Variants in TFIP11 observed in about 807,000 individuals in gnomAD.
TFIP11 encodes the protein tuftelin-interacting protein 11.
A neutral mutation model predicts 96.8 loss-of-function variants in TFIP11; 86 were observed. The observed-to-expected ratio is 0.89, with a 90% CI of 0.75 to 1.06. The LOEUF (loss-of-function observed/expected upper bound fraction) is 1.06. TFIP11 is among the 50% of genes least tolerant of loss of function. The probability of loss-of-function intolerance (pLI) is 0.00; values close to 1 mark genes in which losing one functional copy is unlikely to be tolerated. For synonymous variants in TFIP11, 405 were observed against 395.2 expected (o/e 1.02, Z -0.29); for missense variants, 881 against 1,076.7 (o/e 0.82, Z 2.54).
chr22:26,512,293 C>T (rs1461234066), intron 1 of TFIP11, 101 bp downstream of exon 1: 1 of 152,288 alleles, frequency 6.6e-6, no homozygotes, highest in East Asian at 1.9e-4. Context: ...AAATGGATTC[C>T]CCTCCCCACA....
intron 10 of TFIP11, among the ~76,000 whole-genome samples, chr22:26,498,473 T>C (rs886782180): frequency 6.6e-6 from 1 of 150,430 alleles, no homozygotes; most frequent in African/African-American, 2.5e-5. Context: ...AACCAGGCAG[T>C]TGGCGGTTGC....
chr22:26,506,845 G>T lies in TFIP11; in HGVS notation c.293C>A (p.Ser98Tyr), dbSNP rs764971604. 2.5e-6 allele frequency: 4 copies of T among 1,614,180 alleles called. No homozygotes were observed. In the Admixed American group the frequency reaches 6.7e-5, roughly 27 times the overall value. ...GAAEEAELEDSDDEEKPVKQD... is the reference protein window; with the variant it reads ...GAAEEAELEDYDDEEKPVKQD... ...CTTAACAGGTTTCTCTTCGTCATCA[G>T]AATCTTCCAACTCTGCCTCCTCCGC... The change falls in exon 5 of 15, where the codon TCT becomes TAT. Residue 98 changes from serine to tyrosine, a missense_variant. Ser to Tyr is a moderately radical substitution (Grantham distance 144, BLOSUM62 -2). Coordinates refer to ENST00000407690, the MANE Select transcript of TFIP11 (RefSeq NM_012143.4).
intron 13 of TFIP11, chr22:26,494,566 G>C (rs1459433107): frequency 2.8e-6 from 2 of 709,954 alleles, no homozygotes; most frequent in Non-Finnish European, 4.6e-6. Flanking sequence ...CTACCCCATA[G>C]GGTTGCTGAG....
rs1205055229 is a variant in TFIP11, at chr22:26,506,447, T to C, written c.376A>G (p.Lys126Glu). 1.2e-6 allele frequency: 2 copies of C among 1,600,810 alleles called. No homozygotes were observed. Among genetic ancestry groups the C allele is most frequent in the Non-Finnish European group, 1.7e-6 (2 of 1,176,776 alleles). Reference sequence around the variant, plus strand: ...CCTGCAAAACCTTTCTGGCTGGGCTTAAAATTGCCACCCTGCAAAAAAGAA... The same window carrying C: ...CCTGCAAAACCTTTCTGGCTGGGCTCAAAATTGCCACCCTGCAAAAAAGAA... Reference protein sequence around the residue: ...PRKLKTGGNFKPSQKGFAGGT... With the variant: ...PRKLKTGGNFEPSQKGFAGGT... The change falls in exon 6 of 15, where the codon AAG becomes GAG. Residue 126 changes from lysine to glutamate, a missense_variant. Physicochemically the swap from Lys to Glu is moderately conservative, Grantham distance 56. Coordinates refer to ENST00000407690, the MANE Select transcript of TFIP11 (RefSeq NM_012143.4).
Position 26,491,793 on chromosome 22 carries a change from T to A in TFIP11, c.*220A>T, listed in dbSNP as rs1249377399. ...CCAGGAAAGAACATCAACTTGGCTG[T>A]CCTGTTTTGAGGACGATACCCCACA... On this transcript the variant is annotated 3_prime_UTR_variant, in exon 15 of 15. Transcript: ENST00000407690. The A allele has an allele frequency of 9.6e-7, 1 of 1,044,798 alleles. No individual in the cohort carries two copies. The highest frequency in any genetic ancestry group is 1.4e-6 in the Non-Finnish European group (1 of 732,142). 64.7% of individuals were successfully genotyped at this position (1,044,798 alleles called of 1,614,324 possible).
chr22:26,506,563 T>A, intron 5 of TFIP11, 104 bp from the exon 6 acceptor site: 6 of 1,439,608 alleles, frequency 4.2e-6, no homozygotes, highest in Non-Finnish European at 4.7e-6. Context: ...TACAGCACTA[T>A]GAAAAGTGTC....
intron 6 of TFIP11, chr22:26,505,949 G>A (rs558744408): frequency 7.3e-5 from 12 of 164,158 alleles, no homozygotes; most frequent in Non-Finnish European, 1.6e-4. Flanking sequence ...GACCTCAAGC[G>A]ATCCACCACC....
Position 26,492,272 on chromosome 22 carries a change from C to T in TFIP11, c.2255G>A (p.Arg752Gln), listed in dbSNP as rs758506991. 25 of 1,614,214 alleles carry T rather than the reference C, an allele frequency of 1.5e-5. No individual in the cohort carries two copies. In the East Asian group the frequency reaches 2.7e-4, roughly 17 times the overall value. Residue 752 changes from arginine to glutamine, a missense_variant, in exon 15 of 15, where the codon CGG becomes CAG. Coordinates refer to ENST00000407690, the MANE Select transcript of TFIP11 (RefSeq NM_012143.4). ...DFQYEAMQER[R>Q]EAENMAQRGI... ...CCTCTGAGCCATGTTCTCAGCCTCC[C>T]GCCTCTCCTGCATGGCCTCGTACTG...
In TFIP11 at chr22:26,501,996, C is replaced by T. The variant is rs755763848; in HGVS notation, c.705G>A (p.Lys235=). The part of the protein sequence containing the change: ...WRKDPSGSKK[K]PKYSYKTVEE... ...CCACGGTCTTGTAAGAGTATTTGGG[C>T]TTCTTCTTGCTTCCACTTGGGTCTT... is the stretch of plus-strand genomic sequence containing the variant. The change falls in exon 8 of 15, where the codon AAG becomes AAA. Residue 235 remains lysine, a synonymous_variant. Coordinates refer to ENST00000407690, the MANE Select transcript of TFIP11 (RefSeq NM_012143.4). 22 of 1,613,774 alleles carry T rather than the reference C, an allele frequency of 1.4e-5. No homozygotes were observed. Among genetic ancestry groups the T allele is most frequent in the Admixed American group, 5.0e-5 (3 of 59,976 alleles).
intron 12 of TFIP11, among the ~76,000 whole-genome samples, chr22:26,495,653 T>C (rs1251961661): frequency 8.2e-5 from 5 of 60,794 alleles, no homozygotes; most frequent in African/African-American, 2.1e-4. Flanking sequence ...TATATACATG[T>C]ATATGCATGT....
At position 26,506,838 on chromosome 22, in the gene TFIP11, G is replaced by A. The variant is rs777821365; in HGVS notation, c.300C>T (p.Asp100=). The A allele has an allele frequency of 8.1e-6, 13 of 1,613,978 alleles. No individual in the cohort carries two copies. Among genetic ancestry groups the A allele is most frequent in the Admixed American group, 5.0e-5 (3 of 59,978 alleles). The change falls in exon 5 of 15, where the codon GAC becomes GAT. Residue 100 remains aspartate, a synonymous_variant. Transcript: ENST00000407690. The stretch of plus-strand genomic sequence containing the variant: ...CGTCCTGCTTAACAGGTTTCTCTTC[G>A]TCATCAGAATCTTCCAACTCTGCCT... ...AEEAELEDSD[D]EEKPVKQDDF... is the part of the protein sequence containing the mutation.
At chr22:26,505,700 T>TC (rs1923314423) in intron 6 of TFIP11, among the ~76,000 whole-genome samples, 1 of 1,826 alleles carries the variant, frequency 5.5e-4, no homozygotes, top group Non-Finnish European at 2.5e-3. Context: ...TTTATTCTAT[T>TC]TATTTATTTA....
At chr22:26,496,340 G>C (rs76030007) in intron 11 of TFIP11, 24 bp from the exon 12 acceptor site, 22,326 of 1,571,516 alleles carry the variant, frequency 0.014, 198 homozygotes, top group Non-Finnish European at 0.017. Flanking sequence ...AGGAGAAACA[G>C]TTCATGTCGC....
intron 11 of TFIP11, 152 bp from the exon 12 acceptor site, chr22:26,496,468 C>A: frequency 8.9e-7 from 1 of 1,124,662 alleles, no homozygotes; most frequent in Non-Finnish European, 1.2e-6. Context: ...ATATGCCCAT[C>A]CATTTGATTA....
In TFIP11 at chr22:26,496,800, T is replaced by C; in HGVS notation, c.1526A>G (p.Asp509Gly). ...CACAGGAATAATGTGCACCCAACTATCCAAAAAGTCCACCATCGGGTCACA... is the reference window on the plus strand; with the variant it reads ...CACAGGAATAATGTGCACCCAACTACCCAAAAAGTCCACCATCGGGTCACA... ...RNCDPMVDFL[D>G]SWVHIIPVWI... The change falls in exon 11 of 15, where the codon GAT (aspartate) becomes GGT (glycine). Residue 509 changes from aspartate (D) to glycine (G), a missense_variant. Physicochemically the swap from Asp to Gly is moderately conservative, Grantham distance 94. Coordinates refer to ENST00000407690, the MANE Select transcript of TFIP11 (RefSeq NM_012143.4). 5 of 1,614,092 alleles carry C rather than the reference T, an allele frequency of 3.1e-6. No individual in the cohort carries two copies. The highest frequency in any genetic ancestry group is 3.4e-6 in the Non-Finnish European group (4 of 1,180,018).
Position 26,491,773 on chromosome 22 carries a change from A to C in TFIP11, c.*240T>G, listed in dbSNP as rs1484823224. ...AACTACAGAGAACTCCTTTGCCAGG[A>C]AAGAACATCAACTTGGCTGTCCTGT... On this transcript the variant is annotated 3_prime_UTR_variant, in exon 15 of 15. Coordinates refer to ENST00000407690, the MANE Select transcript of TFIP11 (RefSeq NM_012143.4). 2.5e-5 allele frequency: 29 copies of C among 1,139,002 alleles called. No homozygotes were observed. Among genetic ancestry groups the C allele is most frequent in the Non-Finnish European group, 3.1e-5 (25 of 811,006 alleles). The allele number at this position is 1,139,002 out of a possible 1,614,324, so 70.6% of individuals were successfully genotyped here.
chr22:26,498,641 T>C (rs1922361541), intron 10 of TFIP11: 2 of 442,170 alleles, frequency 4.5e-6, no homozygotes, highest in Middle Eastern at 6.0e-4. Context: ...AAGAACTTAC[T>C]CATGTAACCA....
In TFIP11 at chr22:26,496,951, C is replaced by T. The variant is rs1430459730; in HGVS notation, c.1437-62G>A. 10 of 1,555,470 alleles carry T rather than the reference C, an allele frequency of 6.4e-6. 1 individual carries two copies. In the South Asian group the frequency reaches 9.1e-5, roughly 14 times the overall value. On this transcript the variant is annotated intron_variant, in intron 10 of 14. Coordinates refer to ENST00000407690, the MANE Select transcript of TFIP11 (RefSeq NM_012143.4). Reference sequence around the variant, plus strand: ...CACTGACTGGTTTCAAAGTACACCACCACCACCTGCCTCTCTAGAATCAGG... The same window carrying T: ...CACTGACTGGTTTCAAAGTACACCATCACCACCTGCCTCTCTAGAATCAGG...
intron 7 of TFIP11, among the ~76,000 whole-genome samples, 163 bp downstream of exon 7, chr22:26,503,503 C>T (rs1396203542): frequency 1.3e-5 from 2 of 152,192 alleles, no homozygotes; most frequent in Admixed American, 6.5e-5. Flanking sequence ...ACTCTCTGTC[C>T]ACCCTAGCCC....
Sources: gnomAD v4.1 joint callset for allele counts (sites outside exome capture counted in the v4.1 genomes callset) on GRCh38, gnomAD v4.1.1 for gene constraint, MANE v1.5 for transcripts, NCBI Gene and HGNC (gene_info 2026-07-23, HGNC 2026-07-21) for gene names.